Variants in AKR1C1 observed in about 807,000 individuals in gnomAD.
AKR1C1 encodes aldo-keto reductase family 1 member C1.
A neutral mutation model predicts 40.6 loss-of-function variants in AKR1C1; 32 were observed. The observed-to-expected ratio is 0.79, with a 90% CI of 0.60 to 1.06. AKR1C1 has a LOEUF of 1.06. Among genes scored for constraint, AKR1C1 ranks in the 50% least tolerant of loss-of-function variants. AKR1C1 has a pLI of 0.00. For missense variants in AKR1C1, 320 were observed against 363.5 expected (o/e 0.88, Z 0.97); for synonymous variants, 105 against 134.2 (o/e 0.78, Z 1.50).
intron 7 of AKR1C1, among the ~76,000 whole-genome samples, chr10:4,973,388 C>T (rs1426015400): frequency 3.3e-5 from 5 of 152,150 alleles, no homozygotes; most frequent in African/African-American, 7.2e-5. Flanking sequence ...GTGTTCAGGG[C>T]AGTGAGGCAG....
At chr10:4,974,939 T>A (rs1204256107) in intron 7 of AKR1C1, among the ~76,000 whole-genome samples, 27 of 152,120 alleles carry the variant, frequency 1.8e-4, no homozygotes, top group Admixed American at 1.8e-3. Context: ...AATAAATGTT[T>A]AGTCTCTTGT....
chr10:4,966,364 C>T (rs924844082), intron 2 of AKR1C1, among the ~76,000 whole-genome samples: 1 of 152,140 alleles, frequency 6.6e-6, no homozygotes, highest in African/African-American at 2.4e-5. Context: ...AAATCCTAAT[C>T]ATATTATATT....
Position 4,979,628 on chromosome 10 carries a change from G to C in AKR1C1, c.*1886G>C, listed in dbSNP as rs1341634742. ...TTAGCAAGTGTAACTCTTTTTTCAA[G>C]ATGTGAAATAATCATTAGGTCAGTC... On this transcript the variant is annotated 3_prime_UTR_variant, in exon 9 of 9. Transcript: ENST00000380872. The C allele has an allele frequency of 6.6e-6, 1 of 152,082 alleles. No homozygotes were observed. The highest frequency in any genetic ancestry group is 1.9e-4 in the East Asian group (1 of 5,200). 9.4% of individuals were successfully genotyped at this position (152,082 alleles called of 1,614,324 possible).
chr10:4,977,922 C>T lies in AKR1C1; in HGVS notation c.*180C>T. The T allele has an allele frequency of 1.1e-6, 1 of 928,130 alleles. No individual in the cohort carries two copies. 57.5% of individuals were successfully genotyped at this position (928,130 alleles called of 1,614,324 possible). A position where few individuals can be genotyped will look rare whatever the true frequency, so the allele number is the denominator to read the frequency against. ...AGGAAAGACAATAATTTTGTTTTTT[C>T]ATTTTGAAAAAATTAAATGCTCTCT... On this transcript the variant is annotated 3_prime_UTR_variant, in exon 9 of 9. Coordinates refer to ENST00000380872, the MANE Select transcript of AKR1C1 (RefSeq NM_001353.6).
chr10:4,973,480 C>T, intron 7 of AKR1C1, among the ~76,000 whole-genome samples: 1 of 152,200 alleles, frequency 6.6e-6, no homozygotes, highest in Non-Finnish European at 1.5e-5. Context: ...CCATCCAGCC[C>T]AGGGTTCACC....
In AKR1C1 at chr10:4,977,906, A is replaced by T. The variant is rs1836552434; in HGVS notation, c.*164A>T. 9.0e-7 allele frequency: 1 copy of T among 1,107,916 alleles called. No individual in the cohort carries two copies. The highest frequency in any genetic ancestry group is 1.7e-5 in the African/African-American group (1 of 60,130). 68.6% of individuals were successfully genotyped at this position (1,107,916 alleles called of 1,614,324 possible). A position where few individuals can be genotyped will look rare whatever the true frequency, so the allele number is the denominator to read the frequency against. On this transcript the variant is annotated 3_prime_UTR_variant, in exon 9 of 9. Transcript: ENST00000380872. Reference sequence around the variant, plus strand: ...AGCCCATTGGCCAGAAAGGAAAGACAATAATTTTGTTTTTTCATTTTGAAA... The same window carrying T: ...AGCCCATTGGCCAGAAAGGAAAGACTATAATTTTGTTTTTTCATTTTGAAA...
Position 4,972,318 on chromosome 10 carries a change from G to C in AKR1C1, c.680+8G>C, listed in dbSNP as rs782095610. ...CCACCGAGAAGAACCATGGTAATAA[G>C]AGATACAGGAAGTTTACCTAAAACA... On this transcript the variant is annotated splice_region_variant and intron_variant, in intron 6 of 8. Coordinates refer to ENST00000380872, the MANE Select transcript of AKR1C1 (RefSeq NM_001353.6). The C allele has an allele frequency of 6.2e-7, 1 of 1,610,942 alleles. No homozygotes were observed. The highest frequency in any genetic ancestry group is 1.1e-5 in the South Asian group (1 of 90,908).
intron 2 of AKR1C1, among the ~76,000 whole-genome samples, chr10:4,966,540 C>G (rs1019000784): frequency 1.3e-5 from 2 of 152,180 alleles, no homozygotes; most frequent in African/African-American, 4.8e-5. Flanking sequence ...ATATTAAAAA[C>G]TCTGTTTGCT....
chr10:4,963,672 C>A, intron 1 of AKR1C1, 144 bp downstream of exon 1: 2 of 790,556 alleles, frequency 2.5e-6, no homozygotes, highest in Non-Finnish European at 4.3e-6. Flanking sequence ...CATCTTGTCA[C>A]AGGGTCATCT....
At chr10:4,977,664 G>A (rs782643610) in intron 8 of AKR1C1, 36 bp from the exon 9 acceptor site, 4 of 1,612,240 alleles carry the variant, frequency 2.5e-6, no homozygotes, top group Non-Finnish European at 3.4e-6. Context: ...CGGAGTCATT[G>A]CCATTCAGAG....
intron 1 of AKR1C1, among the ~76,000 whole-genome samples, chr10:4,964,706 T>C (rs926768032): frequency 1.3e-5 from 2 of 152,238 alleles, no homozygotes; most frequent in Non-Finnish European, 2.9e-5. Flanking sequence ...CTTGAACTTA[T>C]GGAACTGAAC....
At chr10:4,964,401 G>A (rs1166099558) in intron 1 of AKR1C1, among the ~76,000 whole-genome samples, 2 of 152,174 alleles carry the variant, frequency 1.3e-5, no homozygotes, top group Non-Finnish European at 2.9e-5. Flanking sequence ...ACATGGAGAG[G>A]AAGTAAAGAT....
At chr10:4,970,747 G>A (rs1280939528) in intron 5 of AKR1C1, among the ~76,000 whole-genome samples, 4 of 147,014 alleles carry the variant, frequency 2.7e-5, no homozygotes, top group African/African-American at 7.6e-5. Context: ...ACTCATAGGT[G>A]GGAATTGAAC....
At position 4,979,488 on chromosome 10, in the gene AKR1C1, A is replaced by T. The variant is rs1273959342; in HGVS notation, c.*1746A>T. ...TAACTTTCTGAGTCTATGGAATGAT[A>T]ATTTCACATCTCATAAACTTGACTG... On this transcript the variant is annotated 3_prime_UTR_variant, in exon 9 of 9. Coordinates refer to ENST00000380872, the MANE Select transcript of AKR1C1 (RefSeq NM_001353.6). 2 of 152,170 alleles carry T rather than the reference A, an allele frequency of 1.3e-5. No individual in the cohort carries two copies. Among genetic ancestry groups the T allele is most frequent in the East Asian group, 3.8e-4 (2 of 5,198 alleles). 9.4% of individuals were successfully genotyped at this position (152,170 alleles called of 1,614,324 possible).
At chr10:4,968,704 T>C (rs1394672416) in intron 4 of AKR1C1, 118 bp from the exon 5 acceptor site, 22 of 1,500,658 alleles carry the variant, frequency 1.5e-5, no homozygotes, top group East Asian at 6.9e-5. Flanking sequence ...GTTTTATTTT[T>C]TCCCTTTTAA....
chr10:4,972,730 G>A lies in AKR1C1; in HGVS notation c.827G>A (p.Arg276His), dbSNP rs781973844. Reference protein sequence around the residue: ...VVLAKSYNEQRIRQNVQVFEF... With the variant: ...VVLAKSYNEQHIRQNVQVFEF... ...CTGGCCAAGAGCTACAATGAGCAGC[G>A]CATCAGACAGAACGTGCAGGTGAGG... Residue 276 changes from arginine to histidine, a missense_variant, in exon 7 of 9, where the codon CGC (arginine) becomes CAC (histidine). Physicochemically the swap from Arg to His is conservative, Grantham distance 29. Coordinates refer to ENST00000380872, the MANE Select transcript of AKR1C1 (RefSeq NM_001353.6). 5.0e-6 allele frequency: 8 copies of A among 1,612,108 alleles called. No individual in the cohort carries two copies. Among genetic ancestry groups the A allele is most frequent in the South Asian group, 1.1e-5 (1 of 90,978 alleles).
At position 4,978,615 on chromosome 10, in the gene AKR1C1, A is replaced by G. The variant is rs1390131990; in HGVS notation, c.*873A>G. On this transcript the variant is annotated 3_prime_UTR_variant, in exon 9 of 9. Transcript: ENST00000380872. The stretch of plus-strand genomic sequence containing the variant: ...GCTCATATTTAGAAAATATTCTTAG[A>G]TTCTAAAAATGTACTATTAATTTGT... 6.6e-6 allele frequency: 1 copy of G among 152,158 alleles called. No homozygotes were observed. The highest frequency in any genetic ancestry group is 1.5e-5 in the Non-Finnish European group (1 of 68,034). The allele number at this position is 152,158 out of a possible 1,614,324, so 9.4% of individuals were successfully genotyped here.
chr10:4,981,116 T>C lies in AKR1C1; in HGVS notation c.*3374T>C, dbSNP rs1836608160. On this transcript the variant is annotated 3_prime_UTR_variant, in exon 9 of 9. Coordinates refer to ENST00000380872, the MANE Select transcript of AKR1C1 (RefSeq NM_001353.6). Reference sequence around the variant, plus strand: ...AGGCAGTTCTAATTTCAAAGAACTTTTTCTTTTGCTGAGCAGTAAGTCTTA... The same window carrying C: ...AGGCAGTTCTAATTTCAAAGAACTTCTTCTTTTGCTGAGCAGTAAGTCTTA... 1.3e-5 allele frequency: 2 copies of C among 151,226 alleles called. No homozygotes were observed. Among genetic ancestry groups the C allele is most frequent in the Admixed American group, 1.3e-4 (2 of 15,246 alleles). 9.4% of individuals were successfully genotyped at this position (151,226 alleles called of 1,614,324 possible).
intron 1 of AKR1C1, 84 bp downstream of exon 1, chr10:4,963,612 T>A: frequency 8.2e-7 from 1 of 1,218,438 alleles, no homozygotes; most frequent in Non-Finnish European, 1.2e-6. Context: ...TGTGTTCCTA[T>A]GTTACTCTGC....
Sources: allele counts gnomAD v4.1 joint callset (sites outside exome capture counted in the v4.1 genomes callset), GRCh38; gene constraint gnomAD v4.1.1; transcripts MANE v1.5; gene names NCBI Gene and HGNC (gene_info 2026-07-23, HGNC 2026-07-21).